POLE2: variants seen among roughly 807,000 people sequenced by gnomAD.
POLE2 encodes DNA polymerase epsilon 2, accessory subunit.
In POLE2, 56 loss-of-function variants were observed where a neutral mutation model predicts 79.4. That is an observed-to-expected ratio of 0.71 (90% CI 0.57 to 0.88). POLE2 has a LOEUF of 0.88. Among genes scored for constraint, POLE2 ranks in the 40% least tolerant of loss-of-function variants. The pLI, the probability that POLE2 is intolerant of heterozygous loss-of-function variation, is 0.00. For synonymous variants in POLE2, 212 were observed against 214.0 expected (o/e 0.99, Z 0.08); for missense variants, 598 against 638.9 (o/e 0.94, Z 0.69).
At chr14:49,685,157 C>T (rs1887036693) in intron 1 of POLE2, among the ~76,000 whole-genome samples, 1 of 152,016 alleles carries the variant, frequency 6.6e-6, no homozygotes, top group African/African-American at 2.4e-5. Context: ...TAATTACATG[C>T]CATTCTGTAT....
chr14:49,684,201 G>A (rs1322470783), intron 1 of POLE2, among the ~76,000 whole-genome samples: 3 of 152,114 alleles, frequency 2.0e-5, no homozygotes, highest in East Asian at 3.9e-4. Flanking sequence ...GGTGGCTCAC[G>A]CCTGTAATCC....
At position 49,643,589 on chromosome 14, in the gene POLE2, T is replaced by C. The variant is rs1594615137; in HGVS notation, c.*63A>G. 1 of 838,218 alleles carries C rather than the reference T, an allele frequency of 1.2e-6. No individual in the cohort carries two copies. Among genetic ancestry groups the C allele is most frequent in the East Asian group, 2.6e-5 (1 of 38,224 alleles). 51.9% of individuals were successfully genotyped at this position (838,218 alleles called of 1,614,324 possible). On this transcript the variant is annotated 3_prime_UTR_variant, in exon 19 of 19. Coordinates refer to ENST00000216367, the MANE Select transcript of POLE2 (RefSeq NM_002692.4). ...CCATAATTTTATTGTAATATCAGAA[T>C]CACATAAGATATAGAGTTAAGCAGA... is the stretch of plus-strand genomic sequence containing the variant.
chr14:49,653,170 C>T (rs1286996881), intron 15 of POLE2, among the ~76,000 whole-genome samples: 2 of 152,078 alleles, frequency 1.3e-5, no homozygotes, highest in African/African-American at 4.8e-5. Flanking sequence ...AAGTAGGCAA[C>T]TGGATACCTG....
chr14:49,654,060 G>A lies in POLE2; in HGVS notation c.1141C>T (p.Leu381Phe), dbSNP rs754195790. 2.5e-6 allele frequency: 4 copies of A among 1,602,882 alleles called. No homozygotes were observed. Among genetic ancestry groups the A allele is most frequent in the Admixed American group, 1.7e-5 (1 of 59,862 alleles). ...AATTCATTAGTGATGCTTTCAGCAA[G>A]TGGTGGCCTATAAAAACAATTTATG... is the stretch of plus-strand genomic sequence containing the variant. Reference protein sequence around the residue: ...GFGSILPRPPLAESITNEFRQ... With the variant: ...GFGSILPRPPFAESITNEFRQ... The change falls in exon 15 of 19, where the codon CTT becomes TTT. Residue 381 changes from leucine (L) to phenylalanine (F), a missense_variant. Coordinates refer to ENST00000216367, the MANE Select transcript of POLE2 (RefSeq NM_002692.4).
rs1456605640 is a variant in POLE2 at position 49,664,667 on chromosome 14, T to C, written c.641A>G (p.His214Arg). The change falls in exon 9 of 19, where the codon CAT becomes CGT. Residue 214 changes from histidine to arginine, a missense_variant. Coordinates refer to ENST00000216367, the MANE Select transcript of POLE2 (RefSeq NM_002692.4). ...VQLDLSKAQF[H>R]SGLYTEACFV... Reference sequence around the variant, plus strand: ...GCATGCCTCTGTGTATAAACCACTATGGAACTGGTACACAACAGTTGAGGA... The same window carrying C: ...GCATGCCTCTGTGTATAAACCACTACGGAACTGGTACACAACAGTTGAGGA... 2.5e-6 allele frequency: 4 copies of C among 1,588,422 alleles called. No individual in the cohort carries two copies. The highest frequency in any genetic ancestry group is 1.7e-4 in the Middle Eastern group (1 of 6,012).
intron 17 of POLE2, among the ~76,000 whole-genome samples, chr14:49,647,716 T>G (rs1389929826): frequency 6.6e-6 from 1 of 152,116 alleles, no homozygotes; most frequent in African/African-American, 2.4e-5. Context: ...CCTCGGCCTC[T>G]CAGAGTGCTG....
intron 2 of POLE2, chr14:49,681,368 A>C (rs1307791867): frequency 4.9e-6 from 1 of 203,640 alleles, no homozygotes; most frequent in African/African-American, 2.3e-5. Flanking sequence ...GCTGAAATGG[A>C]CTGCAAATCA....
chr14:49,683,724 T>G (rs1886905691), intron 1 of POLE2, 31 bp from the exon 2 acceptor site: 1 of 1,114,682 alleles, frequency 9.0e-7, no homozygotes, highest in Non-Finnish European at 1.3e-6. Context: ...ATGAGGCAGG[T>G]CATTAGTAAT....
In POLE2 at chr14:49,679,711, C is replaced by A; in HGVS notation, c.245+14G>T. On this transcript the variant is annotated intron_variant, in intron 3 of 18. Coordinates refer to ENST00000216367, the MANE Select transcript of POLE2 (RefSeq NM_002692.4). ...CACCTCCAAGGAGGAAAAAAGTTAA[C>A]TGTACCCACATACATAGTTTCATCA... 1 of 1,466,814 alleles carries A rather than the reference C, an allele frequency of 6.8e-7. No homozygotes were observed. Among genetic ancestry groups the A allele is most frequent in the South Asian group, 1.2e-5 (1 of 83,752 alleles). 90.9% of individuals were successfully genotyped at this position (1,466,814 alleles called of 1,614,324 possible).
Position 49,669,410 on chromosome 14 carries a change from G to C in POLE2, c.492+114C>G, listed in dbSNP as rs1885714730. ...AGTGGGCATGCAGCCCATCCAGTTA[G>C]CTAAACAGTTACCAATAGTTTATTT... On this transcript the variant is annotated intron_variant, in intron 6 of 18. Transcript: ENST00000216367. 3 of 638,524 alleles carry C rather than the reference G, an allele frequency of 4.7e-6. No individual in the cohort carries two copies. The African/African-American group carries it at 5.6e-5, about 12-fold the overall frequency. The allele number at this position is 638,524 out of a possible 1,614,324, so 39.6% of individuals were successfully genotyped here.
rs545343052 is a variant in POLE2, at chr14:49,643,623, G to T, written c.*29C>A. The T allele has an allele frequency of 7.2e-6, 9 of 1,256,766 alleles. No homozygotes were observed. The East Asian group carries it at 1.9e-4, about 27-fold the overall frequency. 77.9% of individuals were successfully genotyped at this position (1,256,766 alleles called of 1,614,324 possible). ...ATATAGAGTTAAGCAGAAAACTGAT[G>T]AATTTTCTTCAGATGATCTTTAAGA... On this transcript the variant is annotated 3_prime_UTR_variant, in exon 19 of 19. Transcript: ENST00000216367.
chr14:49,647,452 AT>A, intron 17 of POLE2, 92 bp from the exon 18 acceptor site: 2 of 425,920 alleles, frequency 4.7e-6, no homozygotes, highest in South Asian at 8.3e-5. Context: ...TTTATTTTTT[AT>A]TTTATTTATT....
At chr14:49,664,232 T>G (rs1885308534) in intron 9 of POLE2, among the ~76,000 whole-genome samples, 1 of 143,668 alleles carries the variant, frequency 7.0e-6, no homozygotes. Context: ...GCCTATAATC[T>G]CAGCTACTCG....
chr14:49,677,702 G>C, intron 3 of POLE2: 4 of 1,374,370 alleles, frequency 2.9e-6, no homozygotes, highest in Non-Finnish European at 3.0e-6. Flanking sequence ...CAAGAAACGT[G>C]ACAGTGTGGC....
At chr14:49,655,564 G>GTT in intron 11 of POLE2, 107 bp downstream of exon 11, 3 of 783,348 alleles carry the variant, frequency 3.8e-6, no homozygotes, top group Middle Eastern at 3.8e-4. Context: ...TGCTAACTCT[G>GTT]TTTTTTTTTA....
At chr14:49,647,439 T>C in intron 17 of POLE2, 79 bp from the exon 18 acceptor site, 1 of 459,534 alleles carries the variant, frequency 2.2e-6, no homozygotes, top group Non-Finnish European at 3.7e-6. Flanking sequence ...AATATGTATA[T>C]TTTTTATTTT....
At chr14:49,687,201 G>A (rs1321894457) in intron 1 of POLE2, among the ~76,000 whole-genome samples, 1 of 151,382 alleles carries the variant, frequency 6.6e-6, no homozygotes, top group Non-Finnish European at 1.5e-5. Context: ...GGAGGTTGAG[G>A]CTGCAGTAAG....
At position 49,666,400 on chromosome 14, in the gene POLE2, T is replaced by C. The variant is rs150596542; in HGVS notation, c.506A>G (p.Glu169Gly). The change falls in exon 7 of 19, where the codon GAA (glutamate) becomes GGA (glycine). Residue 169 changes from glutamate to glycine, a missense_variant. Physicochemically the swap from Glu to Gly is moderately conservative, Grantham distance 98 (BLOSUM62 -2). Transcript: ENST00000216367. Reference sequence around the variant, plus strand: ...TTTGGTTGTACTACCCAATAAGGTTTCTATTGTTTTAAGCTAAAATAAAAC... The same window carrying C: ...TTTGGTTGTACTACCCAATAAGGTTCCTATTGTTTTAAGCTAAAATAAAAC... Reference protein sequence around the residue: ...SGSKFQLKTIETLLGSTTKIG... With the variant: ...SGSKFQLKTIGTLLGSTTKIG... 91 of 1,451,316 alleles carry C rather than the reference T, an allele frequency of 6.3e-5. 1 individual carries two copies. The highest frequency in any genetic ancestry group is 8.4e-5 in the Non-Finnish European group (90 of 1,072,548). The allele number at this position is 1,451,316 out of a possible 1,614,324, so 89.9% of individuals were successfully genotyped here. A position where few individuals can be genotyped will look rare whatever the true frequency, so the allele number is the denominator to read the frequency against.
At position 49,654,150 on chromosome 14, in the gene POLE2, C is replaced by T. The variant is rs892587226; in HGVS notation, c.1133+5G>A. ...CACTGTTGCAAAAATCTGAACAAAA[C>T]TTACCTTGGTAAGATGGAACCAAAT... On this transcript the variant is annotated splice_donor_5th_base_variant and intron_variant, in intron 14 of 18. Transcript: ENST00000216367. 3.7e-6 allele frequency: 6 copies of T among 1,609,068 alleles called. No individual in the cohort carries two copies. In the Admixed American group the frequency reaches 5.0e-5, roughly 13 times the overall value.
Sources: allele counts gnomAD v4.1 joint callset (sites outside exome capture counted in the v4.1 genomes callset), GRCh38; gene constraint gnomAD v4.1.1; transcripts MANE v1.5; gene names NCBI Gene and HGNC (gene_info 2026-07-23, HGNC 2026-07-21).